Variants in CACNB2 observed in about 807,000 individuals in gnomAD.
The protein encoded by CACNB2 is voltage-dependent L-type calcium channel subunit beta-2.
In CACNB2, 42 loss-of-function variants were observed where a neutral mutation model predicts 73.3. That is an observed-to-expected ratio of 0.57 (90% CI 0.45 to 0.74). CACNB2 has a LOEUF of 0.74. CACNB2 is among the 30% of genes least tolerant of loss of function. CACNB2 has a pLI of 0.00. For missense variants in CACNB2, 940 were observed against 853.0 expected, an observed-to-expected ratio of 1.10 and a Z score of -1.27; for synonymous variants, 348 against 310.3, an observed-to-expected ratio of 1.12 and a Z score of -1.28.
chr10:18,516,814 G>GTT (rs796929745), intron 7 of CACNB2, among the ~76,000 whole-genome samples: 3 of 142,182 alleles, frequency 2.1e-5, no homozygotes, highest in Middle Eastern at 3.8e-3. Context: ...TGTTTGTCTT[G>GTT]TTTTTTTTTT....
intron 2 of CACNB2, among the ~76,000 whole-genome samples, chr10:18,317,649 G>A (rs1256034781): frequency 6.6e-6 from 1 of 152,180 alleles, no homozygotes; most frequent in Non-Finnish European, 1.5e-5. Flanking sequence ...ACAGGTGCCT[G>A]GGTTGATTCC....
At chr10:18,484,490 A>T (rs2132874765) in intron 3 of CACNB2, among the ~76,000 whole-genome samples, 1 of 152,338 alleles carries the variant, frequency 6.6e-6, no homozygotes, top group Non-Finnish European at 1.5e-5. Context: ...AAGAGAAGGA[A>T]TAAAAATACC....
At chr10:18,470,735 C>T (rs183622803) in intron 3 of CACNB2, among the ~76,000 whole-genome samples, 40 of 152,228 alleles carry the variant, frequency 2.6e-4, no homozygotes, top group Admixed American at 2.0e-3. Flanking sequence ...GTGTCTTCAG[C>T]GTCTGGCACC....
intron 3 of CACNB2, among the ~76,000 whole-genome samples, chr10:18,484,254 C>A (rs1217808625): frequency 6.6e-6 from 1 of 151,920 alleles, no homozygotes; most frequent in Non-Finnish European, 1.5e-5. Context: ...ATTAGCCGGG[C>A]GTGGTGGCGG....
intron 2 of CACNB2, among the ~76,000 whole-genome samples, chr10:18,304,252 G>A (rs551552017): frequency 1.1e-4 from 16 of 152,216 alleles, no homozygotes; most frequent in South Asian, 4.1e-4. Flanking sequence ...CACTTCACCC[G>A]GCCTAATCAG....
chr10:18,463,048 C>T (rs912645146), intron 3 of CACNB2, among the ~76,000 whole-genome samples: 1 of 152,210 alleles, frequency 6.6e-6, no homozygotes, highest in Non-Finnish European at 1.5e-5. Context: ...AGAGCCACCG[C>T]ACCCGGCCAC....
intron 6 of CACNB2, chr10:18,513,571 G>A: frequency 2.6e-6 from 1 of 384,964 alleles, no homozygotes; most frequent in South Asian, 2.1e-5. Context: ...TGTTGATATT[G>A]CAAGTTGTCT....
chr10:18,471,911 C>T (rs879340826), intron 3 of CACNB2, among the ~76,000 whole-genome samples: 3 of 152,140 alleles, frequency 2.0e-5, no homozygotes, highest in Non-Finnish European at 4.4e-5. Flanking sequence ...CAAGCAACAT[C>T]CTAACATCAC....
intron 2 of CACNB2, among the ~76,000 whole-genome samples, chr10:18,251,286 C>T (rs1242396645): frequency 1.3e-5 from 2 of 151,948 alleles, no homozygotes; most frequent in East Asian, 3.9e-4. Flanking sequence ...ACTCTGTCGC[C>T]CAGGCTGGAA....
chr10:18,367,894 A>G (rs1468547153), intron 2 of CACNB2, among the ~76,000 whole-genome samples: 4 of 152,210 alleles, frequency 2.6e-5, no homozygotes, highest in African/African-American at 9.6e-5. Flanking sequence ...ATTTAATTTG[A>G]TTTTAGAAAG....
At chr10:18,418,838 C>T (rs2045154594) in intron 3 of CACNB2, among the ~76,000 whole-genome samples, 1 of 152,182 alleles carries the variant, frequency 6.6e-6, no homozygotes. Flanking sequence ...GTGAATTCAA[C>T]AGGAAGTAGG....
chr10:18,365,632 A>AT (rs34650745), intron 2 of CACNB2, among the ~76,000 whole-genome samples: 42,692 of 152,008 alleles, frequency 0.28, 6,506 homozygotes, highest in East Asian at 0.66. Flanking sequence ...GGTTATTGTT[A>AT]TTTTTTAAGA....
chr10:18,263,525 T>C (rs1342045045), intron 2 of CACNB2, among the ~76,000 whole-genome samples: 1 of 152,240 alleles, frequency 6.6e-6, no homozygotes, highest in Non-Finnish European at 1.5e-5. Flanking sequence ...TTAGATGTAA[T>C]ATAAATCAAT....
chr10:18,278,506 C>T (rs1031666609), intron 2 of CACNB2, among the ~76,000 whole-genome samples: 50 of 151,538 alleles, frequency 3.3e-4, no homozygotes, highest in Non-Finnish European at 2.6e-4. Context: ...TGAGAAAAGT[C>T]GCAGTGACAG....
At chr10:18,181,513 T>G (rs1393127930) in intron 2 of CACNB2, among the ~76,000 whole-genome samples, 1 of 151,712 alleles carries the variant, frequency 6.6e-6, no homozygotes, top group African/African-American at 2.4e-5. Flanking sequence ...CTTTTGCCAT[T>G]TTTTGAAAAA....
At chr10:18,414,604 CCT>C (rs1285017241) in intron 3 of CACNB2, among the ~76,000 whole-genome samples, 2 of 151,564 alleles carry the variant, frequency 1.3e-5, no homozygotes, top group Non-Finnish European at 2.9e-5. Context: ...CCTGCCTCAG[CCT>C]CCCAAGTTGC....
At chr10:18,261,336 A>C (rs866553442) in intron 2 of CACNB2, 1 of 1,551,642 alleles carries the variant, frequency 6.4e-7, no homozygotes, top group Middle Eastern at 1.7e-4. Flanking sequence ...CTATTGCTGT[A>C]GAATTGCAGC....
chr10:18,299,306 C>G (rs2039411905), intron 2 of CACNB2, among the ~76,000 whole-genome samples: 1 of 151,894 alleles, frequency 6.6e-6, no homozygotes, highest in African/African-American at 2.4e-5. Flanking sequence ...TAACAGAGTA[C>G]GGGTGGATGA....
intron 7 of CACNB2, among the ~76,000 whole-genome samples, chr10:18,518,097 G>C (rs1189927284): frequency 6.6e-6 from 1 of 152,136 alleles, no homozygotes; most frequent in Non-Finnish European, 1.5e-5. Flanking sequence ...GGAACGAATA[G>C]GTCTGTAGCA....
Sources: gnomAD v4.1 joint callset for allele counts (sites outside exome capture counted in the v4.1 genomes callset) on GRCh38, gnomAD v4.1.1 for gene constraint, MANE v1.5 for transcripts, NCBI Gene and HGNC (gene_info 2026-07-23, HGNC 2026-07-21) for gene names.